DNAJC6: variants seen among roughly 807,000 people sequenced by gnomAD.
DNAJC6 encodes the protein DnaJ heat shock protein family (Hsp40) member C6.
Under a neutral mutation model 110.0 loss-of-function variants are expected in DNAJC6, and 34 were observed. The observed-to-expected ratio is 0.31, with a 90% CI of 0.24 to 0.41. The LOEUF (loss-of-function observed/expected upper bound fraction) is 0.41, where lower values mean the gene tolerates loss of function less well. Among genes scored for constraint, DNAJC6 ranks in the 10% least tolerant of loss-of-function variants. The probability of loss-of-function intolerance (pLI) is 1.00; values close to 1 mark genes in which losing one functional copy is unlikely to be tolerated. For synonymous variants in DNAJC6, 406 were observed against 437.2 expected (o/e 0.93, Z 0.89); for missense variants, 1,031 against 1,207.8 (o/e 0.85, Z 2.17).
chr1:65,377,359 A>G (rs1645776563), intron 4 of DNAJC6, among the ~76,000 whole-genome samples: 1 of 152,196 alleles, frequency 6.6e-6, no homozygotes, highest in Non-Finnish European at 1.5e-5. Flanking sequence ...TCAGTAAGTC[A>G]TTTCCGTTCC....
Position 65,413,113 on chromosome 1 carries a change from C to G in DNAJC6, c.*88C>G. 1 of 1,097,312 alleles carries G rather than the reference C, an allele frequency of 9.1e-7. No homozygotes were observed. Among genetic ancestry groups the G allele is most frequent in the Admixed American group, 2.1e-5 (1 of 48,562 alleles). The allele number at this position is 1,097,312 out of a possible 1,614,324, so 68.0% of individuals were successfully genotyped here. On this transcript the variant is annotated 3_prime_UTR_variant, in exon 19 of 19. Coordinates refer to ENST00000371069, the MANE Select transcript of DNAJC6 (RefSeq NM_001256864.2). ...GAGGTTTTCGCAGATGAACCAAAAA[C>G]TCCAGTAACATGTTTTCAGTACTAA...
intron 1 of DNAJC6, 95 bp downstream of exon 1, chr1:65,310,033 C>G: frequency 3.0e-6 from 4 of 1,354,376 alleles, no homozygotes; most frequent in Non-Finnish European, 3.8e-6. Flanking sequence ...GTCCCCCAGC[C>G]CCGGTTTGCG....
intron 2 of DNAJC6, among the ~76,000 whole-genome samples, chr1:65,365,593 A>T (rs978080274): frequency 6.6e-6 from 1 of 152,144 alleles, no homozygotes; most frequent in African/African-American, 2.4e-5. Context: ...AAGCTAGAAC[A>T]ATTGGTGTTG....
chr1:65,334,820 C>T (rs1302497658), intron 1 of DNAJC6, among the ~76,000 whole-genome samples: 1 of 152,124 alleles, frequency 6.6e-6, no homozygotes, highest in South Asian at 2.1e-4. Flanking sequence ...TACTCCATAA[C>T]CTCCCATGCT....
intron 1 of DNAJC6, among the ~76,000 whole-genome samples, chr1:65,343,315 A>G (rs1251026066): frequency 2.6e-5 from 4 of 152,178 alleles, no homozygotes; most frequent in African/African-American, 9.7e-5. Flanking sequence ...CACAGACCAG[A>G]CTGCAGGAAA....
intron 1 of DNAJC6, among the ~76,000 whole-genome samples, chr1:65,336,167 A>G (rs991451565): frequency 6.6e-6 from 1 of 152,180 alleles, no homozygotes; most frequent in African/African-American, 2.4e-5. Context: ...GAAACTTACA[A>G]TCATGGCAGA....
chr1:65,355,439 T>A (rs757228934), intron 1 of DNAJC6, among the ~76,000 whole-genome samples: 9 of 152,178 alleles, frequency 5.9e-5, no homozygotes, highest in Admixed American at 2.0e-4. Flanking sequence ...TTACCTGCTC[T>A]GTGGCCTCTG....
chr1:65,392,929 T>C, intron 12 of DNAJC6, 64 bp downstream of exon 12: 1 of 1,401,592 alleles, frequency 7.1e-7, no homozygotes, highest in Non-Finnish European at 9.3e-7. Context: ...GCCAAATAGG[T>C]GGAATTGAAC....
chr1:65,366,234 C>T (rs375736398), intron 4 of DNAJC6, 38 bp downstream of exon 4: 71 of 1,605,536 alleles, frequency 4.4e-5, no homozygotes, highest in Non-Finnish European at 5.5e-5. Context: ...CTGTTGAAGA[C>T]GTGATGGTGC....
At chr1:65,390,395 G>T (rs759602552) in intron 11 of DNAJC6, among the ~76,000 whole-genome samples, 2 of 152,194 alleles carry the variant, frequency 1.3e-5, no homozygotes, top group Non-Finnish European at 2.9e-5. Context: ...GTATATCTCT[G>T]CTCTTGCTTT....
chr1:65,356,340 G>A (rs190499170), intron 1 of DNAJC6, among the ~76,000 whole-genome samples: 178 of 152,164 alleles, frequency 1.2e-3, no homozygotes, highest in Admixed American at 2.6e-3. Flanking sequence ...GGGAGGCTAA[G>A]GCCGGCCAAT....
chr1:65,348,167 TA>T (rs1645455371), intron 1 of DNAJC6, among the ~76,000 whole-genome samples: 1 of 152,214 alleles, frequency 6.6e-6, no homozygotes, highest in South Asian at 2.1e-4. Context: ...CATTATGCCT[TA>T]AAGCACTTCA....
chr1:65,309,972 C>T, intron 1 of DNAJC6, 34 bp downstream of exon 1: 1 of 1,365,674 alleles, frequency 7.3e-7, no homozygotes, highest in Admixed American at 3.7e-5. Context: ...AGCGCTGAGC[C>T]CCGCGCGGCC....
Position 65,364,621 on chromosome 1 carries a change from T to G in DNAJC6, c.194-14T>G, listed in dbSNP as rs1467210007. 6.5e-7 allele frequency: 1 copy of G among 1,531,066 alleles called. No individual in the cohort carries two copies. The allele number at this position is 1,531,066 out of a possible 1,614,324, so 94.8% of individuals were successfully genotyped here. A position where few individuals can be genotyped will look rare whatever the true frequency, so the allele number is the denominator to read the frequency against. ...CACCATTTTTGTTTGTTTGTTTTTT[T>G]TTTTTTTTGGCAGGTGCCTCATCTC... is the stretch of plus-strand genomic sequence containing the variant. On this transcript the variant is annotated splice_polypyrimidine_tract_variant and intron_variant, in intron 1 of 18. Transcript: ENST00000371069.
chr1:65,266,009 T>A (rs1275437222), intron 1 of DNAJC6, among the ~76,000 whole-genome samples: 1 of 152,258 alleles, frequency 6.6e-6, no homozygotes, highest in Non-Finnish European at 1.5e-5. Context: ...GCCCCGGCGC[T>A]TGCCCCTTGG....
At chr1:65,345,527 A>T in intron 1 of DNAJC6, 1 of 330,686 alleles carries the variant, frequency 3.0e-6, no homozygotes, top group Non-Finnish European at 4.3e-6. Context: ...GAATCCAGGT[A>T]TGCTTGTTTG....
In DNAJC6 at chr1:65,388,836, A is replaced by G. The variant is rs189829219; in HGVS notation, c.1194-420A>G. Among the ~76,000 whole-genome samples, 9 of 152,316 alleles carry G rather than the reference A, an allele frequency of 5.9e-5. No individual in the cohort carries two copies. The East Asian group carries it at 1.7e-3, about 29-fold the overall frequency. The stretch of plus-strand genomic sequence containing the variant: ...TTCTGGAGGACCTTTCTGCACCGAC[A>G]TTAACCTATCTCATAGTGTGGTCTA... On this transcript the variant is annotated intron_variant, in intron 9 of 18. Transcript: ENST00000371069.
At chr1:65,385,980 A>G (rs1645868292) in intron 7 of DNAJC6, 74 bp downstream of exon 7, 2 of 1,363,840 alleles carry the variant, frequency 1.5e-6, no homozygotes, top group South Asian at 3.1e-5. Flanking sequence ...GAGTTGAATC[A>G]TATTCTTCCT....
chr1:65,344,228 A>G (rs1195727293), intron 1 of DNAJC6, among the ~76,000 whole-genome samples: 1 of 152,224 alleles, frequency 6.6e-6, no homozygotes, highest in African/African-American at 2.4e-5. Context: ...AGGGGTCCTT[A>G]CAATAATGAA....
Sources: allele counts gnomAD v4.1 joint callset (sites outside exome capture counted in the v4.1 genomes callset), GRCh38; gene constraint gnomAD v4.1.1; transcripts MANE v1.5; gene names NCBI Gene and HGNC (gene_info 2026-07-23, HGNC 2026-07-21).